ACOXL: variants seen among roughly 807,000 people sequenced by gnomAD.
ACOXL encodes acyl-coenzyme A oxidase-like protein.
ACOXL carries 70 observed loss-of-function variants against 71.9 expected under a neutral mutation model. The observed-to-expected ratio is 0.97, with a 90% confidence interval of 0.80 to 1.19. The LOEUF is 1.19. Ranked by LOEUF, ACOXL falls within the 50% of genes most tolerant of loss-of-function variation. ACOXL has a pLI of 0.00. For synonymous variants in ACOXL, 253 were observed against 281.6 expected (o/e 0.90, Z 1.02); for missense variants, 703 against 736.3 (o/e 0.95, Z 0.52).
At chr2:110,786,950 G>A (rs1684034262) in intron 3 of ACOXL, among the ~76,000 whole-genome samples, 1 of 152,052 alleles carries the variant, frequency 6.6e-6, no homozygotes, top group Non-Finnish European at 1.5e-5. Context: ...TGGTTTTAGG[G>A]CTATGTTTTT....
intron 2 of ACOXL, among the ~76,000 whole-genome samples, chr2:110,773,695 G>T (rs1354782237): frequency 6.6e-6 from 1 of 152,190 alleles, no homozygotes; most frequent in African/African-American, 2.4e-5. Flanking sequence ...GCTGTGACAG[G>T]CTCCCCTGGC....
At chr2:110,891,109 A>G (rs147839305) in intron 10 of ACOXL, among the ~76,000 whole-genome samples, 2 of 152,210 alleles carry the variant, frequency 1.3e-5, no homozygotes, top group Admixed American at 1.3e-4. Context: ...TAATTTTTGT[A>G]TATTTATCTT....
intron 1 of ACOXL, among the ~76,000 whole-genome samples, chr2:110,748,723 T>C (rs978756374): frequency 6.6e-6 from 1 of 152,190 alleles, no homozygotes; most frequent in Non-Finnish European, 1.5e-5. Flanking sequence ...TGGGTGCAGC[T>C]GCGGTGTTTA....
chr2:111,002,517 T>A (rs563234528), intron 14 of ACOXL, among the ~76,000 whole-genome samples: 13 of 152,338 alleles, frequency 8.5e-5, no homozygotes, highest in Middle Eastern at 3.4e-3. Flanking sequence ...TTTTTAGTTA[T>A]ATGGACAATG....
intron 12 of ACOXL, among the ~76,000 whole-genome samples, chr2:110,973,263 G>C (rs187715858): frequency 6.6e-6 from 1 of 152,308 alleles, no homozygotes; most frequent in East Asian, 1.9e-4. Flanking sequence ...TTACTTTCTG[G>C]AGAATGCAAA....
rs182612947 is a variant in ACOXL, at chr2:111,054,977, A to T, written c.1440+5689A>T. Among the ~76,000 whole-genome samples, 252 of 152,232 alleles carry T rather than the reference A, an allele frequency of 1.7e-3. 3 individuals carry two copies. The highest frequency in any genetic ancestry group is 1.8e-4 in the Non-Finnish European group (12 of 68,006). On this transcript the variant is annotated intron_variant, in intron 16 of 17. Coordinates refer to ENST00000439055, the MANE Select transcript of ACOXL (RefSeq NM_001142807.4). ...GACTGCTCCACTGCTTCACCTCCCCACAGAAGGTTTAGAAGCACCTCAGCA... is the reference window on the plus strand; with the variant it reads ...GACTGCTCCACTGCTTCACCTCCCCTCAGAAGGTTTAGAAGCACCTCAGCA...
chr2:110,786,970 CTG>C (rs1036789798), intron 3 of ACOXL, among the ~76,000 whole-genome samples: 22 of 151,784 alleles, frequency 1.4e-4, no homozygotes, highest in Admixed American at 9.2e-4. Context: ...TAAAAAGAAT[CTG>C]TATCTTTTAC....
At chr2:111,095,248 G>T (rs560302142) in intron 17 of ACOXL, among the ~76,000 whole-genome samples, 1 of 151,078 alleles carries the variant, frequency 6.6e-6, no homozygotes, top group African/African-American at 2.4e-5. Context: ...CCTACATAAG[G>T]GAAGATTTTA....
intron 13 of ACOXL, among the ~76,000 whole-genome samples, chr2:110,990,259 A>G (rs1405261593): frequency 6.6e-6 from 1 of 152,278 alleles, no homozygotes; most frequent in Non-Finnish European, 1.5e-5. Flanking sequence ...CATACATACT[A>G]TATCCTTTCA....
At position 110,801,587 on chromosome 2, in the gene ACOXL, G is replaced by T. The variant is rs181486280; in HGVS notation, c.548-65G>T. On this transcript the variant is annotated intron_variant, in intron 7 of 17. Coordinates refer to ENST00000439055, the MANE Select transcript of ACOXL (RefSeq NM_001142807.4). Reference sequence around the variant, plus strand: ...GGGCTTTGTATTTTAGTGGCGACAGGCCTGGGAAGTAGCAGGGAAAATACT... The same window carrying T: ...GGGCTTTGTATTTTAGTGGCGACAGTCCTGGGAAGTAGCAGGGAAAATACT... 237 of 1,434,464 alleles carry T rather than the reference G, an allele frequency of 1.7e-4. 1 individual carries two copies. In the African/African-American group the frequency reaches 3.1e-3, roughly 19 times the overall value. 88.9% of individuals were successfully genotyped at this position (1,434,464 alleles called of 1,614,324 possible). A position where few individuals can be genotyped will look rare whatever the true frequency, so the allele number is the denominator to read the frequency against.
Position 110,897,612 on chromosome 2 carries a change from C to T in ACOXL, c.789-11177C>T, listed in dbSNP as rs569952895. On this transcript the variant is annotated intron_variant, in intron 10 of 17. Coordinates refer to ENST00000439055, the MANE Select transcript of ACOXL (RefSeq NM_001142807.4). ...AACACCTCTCGTTAGGCCTCACCTC[C>T]CAACACTGTTGCATTGGGGATTACA... is the stretch of plus-strand genomic sequence containing the variant. Among the ~76,000 whole-genome samples the T allele has an allele frequency of 2.6e-5, 4 of 152,292 alleles. No homozygotes were observed. The South Asian group carries it at 6.2e-4, about 24-fold the overall frequency.
intron 14 of ACOXL, 125 bp downstream of exon 14, chr2:110,996,129 A>T: frequency 1.3e-6 from 1 of 782,728 alleles, no homozygotes; most frequent in Non-Finnish European, 2.1e-6. Flanking sequence ...GGAAGCGGCT[A>T]GAGTTCCTAC....
rs2070459536 is a variant in ACOXL, at chr2:111,117,732, G to T, written c.1659G>T (p.Ala553=). Residue 553 remains alanine (A), a synonymous_variant, in exon 18 of 18, where the codon GCG becomes GCT. Transcript: ENST00000439055. ...PIAGISNPRA[A]WAFYPAPLQP... ...CCGGAATCTCCAACCCGCGGGCCGC[G>T]TGGGCTTTCTACCCTGCACCGCTGC... The T allele has an allele frequency of 4.5e-6, 7 of 1,551,548 alleles. No homozygotes were observed. The highest frequency in any genetic ancestry group is 6.1e-6 in the Non-Finnish European group (7 of 1,147,006).
At chr2:110,836,372 T>A (rs1470873000) in intron 9 of ACOXL, among the ~76,000 whole-genome samples, 1 of 152,156 alleles carries the variant, frequency 6.6e-6, no homozygotes, top group Non-Finnish European at 1.5e-5. Flanking sequence ...TGTGTGTCCA[T>A]GGCTCTCTTT....
In ACOXL at chr2:110,772,486, A is replaced by G. The variant is rs550309141; in HGVS notation, c.75+4022A>G. Among the ~76,000 whole-genome samples, 9 of 152,222 alleles carry G rather than the reference A, an allele frequency of 5.9e-5. No homozygotes were observed. The East Asian group carries it at 1.7e-3, about 29-fold the overall frequency. On this transcript the variant is annotated intron_variant, in intron 2 of 17. Coordinates refer to ENST00000439055, the MANE Select transcript of ACOXL (RefSeq NM_001142807.4). ...GGGCTTGTGGGTGGCTCATAGGGAAACCGCATCTCAACATTACCTTTCCCC... is the reference window on the plus strand; with the variant it reads ...GGGCTTGTGGGTGGCTCATAGGGAAGCCGCATCTCAACATTACCTTTCCCC...
chr2:110,867,528 TAA>T (rs1030673326), intron 10 of ACOXL, among the ~76,000 whole-genome samples: 11 of 152,258 alleles, frequency 7.2e-5, no homozygotes, highest in African/African-American at 2.6e-4. Flanking sequence ...GTGTCTTGGA[TAA>T]AGTATGTGCC....
At chr2:110,907,801 A>G (rs1309799291) in intron 10 of ACOXL, among the ~76,000 whole-genome samples, 1 of 152,236 alleles carries the variant, frequency 6.6e-6, no homozygotes, top group East Asian at 1.9e-4. Context: ...ACAAATAAAC[A>G]CAATATTTAA....
chr2:110,941,197 A>G (rs1181974473), intron 12 of ACOXL, among the ~76,000 whole-genome samples: 2 of 152,174 alleles, frequency 1.3e-5, no homozygotes, highest in Non-Finnish European at 2.9e-5. Context: ...AGAACAGTGT[A>G]CTAGGTACAT....
At chr2:110,885,146 A>G (rs1352701269) in intron 10 of ACOXL, among the ~76,000 whole-genome samples, 1 of 152,230 alleles carries the variant, frequency 6.6e-6, no homozygotes, top group Non-Finnish European at 1.5e-5. Flanking sequence ...CCAAAACAAC[A>G]TAGAAGCATG....
Sources: allele counts gnomAD v4.1 joint callset (sites outside exome capture counted in the v4.1 genomes callset), GRCh38; gene constraint gnomAD v4.1.1; transcripts MANE v1.5; gene names NCBI Gene and HGNC (gene_info 2026-07-23, HGNC 2026-07-21).